SRRM4: variants seen among roughly 807,000 people sequenced by gnomAD.
The protein encoded by SRRM4 is serine/arginine repetitive matrix 4.
A neutral mutation model predicts 68.9 loss-of-function variants in SRRM4; 33 were observed. That is an observed-to-expected ratio of 0.48 (90% CI 0.36 to 0.64). The LOEUF (loss-of-function observed/expected upper bound fraction) is 0.64, where lower values mean the gene tolerates loss of function less well. Ranked by LOEUF, SRRM4 falls within the 30% of genes least tolerant of loss-of-function variation. The probability of loss-of-function intolerance (pLI) is 0.00; values close to 1 mark genes in which losing one functional copy is unlikely to be tolerated. For missense variants in SRRM4, 817 were observed against 827.1 expected (o/e 0.99, Z 0.15); for synonymous variants, 318 against 318.8 (o/e 1.00, Z 0.03).
intron 8 of SRRM4, among the ~76,000 whole-genome samples, chr12:119,137,643 G>T (rs1047435948): frequency 1.4e-5 from 2 of 144,714 alleles, no homozygotes; most frequent in Admixed American, 6.9e-5. Flanking sequence ...AGGAGATACT[G>T]GAGCTTCACA....
intron 1 of SRRM4, among the ~76,000 whole-genome samples, chr12:119,060,583 G>A (rs1000018901): frequency 2.0e-5 from 3 of 151,700 alleles, no homozygotes; most frequent in African/African-American, 7.3e-5. Flanking sequence ...GTAGGAATTA[G>A]TAGAGTTTGT....
At chr12:119,089,606 G>A (rs1259116078) in intron 1 of SRRM4, among the ~76,000 whole-genome samples, 2 of 152,194 alleles carry the variant, frequency 1.3e-5, no homozygotes, top group Non-Finnish European at 2.9e-5. Flanking sequence ...GCCTAAAGGA[G>A]GTTGAATGGA....
intron 1 of SRRM4, among the ~76,000 whole-genome samples, chr12:119,077,740 C>T (rs941059349): frequency 6.6e-6 from 1 of 152,034 alleles, no homozygotes; most frequent in Non-Finnish European, 1.5e-5. Context: ...CTCTTAGTAC[C>T]CTATCTGGCA....
At chr12:119,000,629 A>C (rs541901326) in intron 1 of SRRM4, 1 of 152,372 alleles carries the variant, frequency 6.6e-6, no homozygotes, top group South Asian at 2.1e-4. Context: ...GCAAAAGGAC[A>C]GAGAAAATAT....
chr12:119,099,146 A>G (rs73213716), intron 1 of SRRM4, among the ~76,000 whole-genome samples: 11,994 of 151,764 alleles, frequency 0.079, 524 homozygotes, highest in African/African-American at 0.1. Context: ...TATTATTACT[A>G]TTGTTATAGG....
At chr12:119,139,866 G>A (rs1954353658) in intron 8 of SRRM4, among the ~76,000 whole-genome samples, 1 of 139,646 alleles carries the variant, frequency 7.2e-6, no homozygotes, top group Non-Finnish European at 1.6e-5. Flanking sequence ...CCCATAAGGA[G>A]CACCTTTTTT....
At chr12:119,045,545 A>G (rs1027306343) in intron 1 of SRRM4, among the ~76,000 whole-genome samples, 1 of 126,246 alleles carries the variant, frequency 7.9e-6, no homozygotes, top group African/African-American at 2.9e-5. Context: ...TTGGTCTGTG[A>G]TTACAGAAGC....
chr12:119,115,320 T>G (rs1004594784), intron 3 of SRRM4, among the ~76,000 whole-genome samples: 7 of 152,190 alleles, frequency 4.6e-5, no homozygotes, highest in African/African-American at 1.7e-4. Flanking sequence ...TTTAAAATTT[T>G]TTTATATTTA....
intron 1 of SRRM4, among the ~76,000 whole-genome samples, chr12:119,087,796 C>T (rs1449683178): frequency 6.6e-6 from 1 of 152,022 alleles, no homozygotes; most frequent in African/African-American, 2.4e-5. Flanking sequence ...TGGAGTGGGG[C>T]CCATGCTCAG....
chr12:118,983,370 A>G (rs1408250402), intron 1 of SRRM4, among the ~76,000 whole-genome samples: 3 of 152,176 alleles, frequency 2.0e-5, no homozygotes, highest in African/African-American at 7.2e-5. Context: ...TGCAGACGGG[A>G]AGGAGGGGAC....
At chr12:119,029,818 G>C (rs1454941940) in intron 1 of SRRM4, among the ~76,000 whole-genome samples, 1 of 152,176 alleles carries the variant, frequency 6.6e-6, no homozygotes, top group African/African-American at 2.4e-5. Flanking sequence ...GGGAGCCTTG[G>C]ATTAAATGCA....
rs746530521 is a variant in SRRM4 at position 119,010,899 on chromosome 12, C to A, written c.131+28886C>A. The stretch of plus-strand genomic sequence containing the variant: ...GTATTAAACATAGATCTCTAAAAGA[C>A]TGTGACAGGAAAAAGCAAACTGTGG... On this transcript the variant is annotated intron_variant, in intron 1 of 12. Coordinates refer to ENST00000267260, the MANE Select transcript of SRRM4 (RefSeq NM_194286.4). Among the ~76,000 whole-genome samples the A allele has an allele frequency of 6.6e-4, 101 of 152,266 alleles. 1 individual carries two copies. Among genetic ancestry groups the A allele is most frequent in the Non-Finnish European group, 7.4e-4 (50 of 68,008 alleles).
chr12:119,123,204 C>T (rs1050476295), intron 6 of SRRM4, among the ~76,000 whole-genome samples: 1 of 152,174 alleles, frequency 6.6e-6, no homozygotes, highest in Non-Finnish European at 1.5e-5. Flanking sequence ...CCCAAACGGT[C>T]TTTTCACCCA....
intron 1 of SRRM4, chr12:118,992,069 G>C (rs895824701): frequency 6.6e-6 from 1 of 152,190 alleles, no homozygotes; most frequent in African/African-American, 2.4e-5. Context: ...TTTGTTCTCA[G>C]CATTTCTCAC....
chr12:119,050,698 A>G (rs1477041169), intron 1 of SRRM4, among the ~76,000 whole-genome samples: 1 of 152,190 alleles, frequency 6.6e-6, no homozygotes, highest in African/African-American at 2.4e-5. Context: ...CCAGTGTGTG[A>G]CATCTTGGTT....
intron 1 of SRRM4, among the ~76,000 whole-genome samples, chr12:118,992,854 C>G (rs1299506591): frequency 1.3e-5 from 2 of 152,150 alleles, no homozygotes; most frequent in East Asian, 3.9e-4. Flanking sequence ...AAAGCTGTAG[C>G]TAAAATATGG....
chr12:119,114,749 C>T (rs1442025532), intron 3 of SRRM4, among the ~76,000 whole-genome samples: 2 of 147,804 alleles, frequency 1.4e-5, no homozygotes, highest in Non-Finnish European at 3.0e-5. Flanking sequence ...CCTGCAATCT[C>T]CGCCTCCCAG....
chr12:119,126,483 A>G (rs1954261973), intron 7 of SRRM4, among the ~76,000 whole-genome samples: 1 of 152,216 alleles, frequency 6.6e-6, no homozygotes, highest in Admixed American at 6.5e-5. Context: ...GATTGAAATC[A>G]GGGAACATGG....
At chr12:119,129,158 C>A (rs538668857) in intron 7 of SRRM4, among the ~76,000 whole-genome samples, 1 of 152,350 alleles carries the variant, frequency 6.6e-6, no homozygotes, top group East Asian at 1.9e-4. Context: ...TCGGCTCCCT[C>A]ATCTGTAAAA....
Sources: allele counts gnomAD v4.1 joint callset (sites outside exome capture counted in the v4.1 genomes callset), GRCh38; gene constraint gnomAD v4.1.1; transcripts MANE v1.5; gene names NCBI Gene and HGNC (gene_info 2026-07-23, HGNC 2026-07-21).